Variants in ARHGEF12 observed in about 807,000 individuals in gnomAD.
The protein encoded by ARHGEF12 is KMT2A/ARHGEF12 fusion protein.
In ARHGEF12, 66 loss-of-function variants were observed where a neutral mutation model predicts 211.2. The ratio of observed to expected loss-of-function variants is 0.31; its 90% CI spans 0.26 to 0.38. ARHGEF12 has a LOEUF of 0.38. Ranked by LOEUF, ARHGEF12 falls within the 10% of genes least tolerant of loss-of-function variation. The pLI is 1.00. For synonymous variants in ARHGEF12, 592 were observed against 638.4 expected (o/e 0.93, Z 1.09); for missense variants, 1,429 against 1,869.5 (o/e 0.76, Z 4.34).
At chr11:120,407,609 AGG>A (rs1417087835) in intron 2 of ARHGEF12, 127 bp from the exon 3 acceptor site, 10 of 568,620 alleles carry the variant, frequency 1.8e-5, no homozygotes. Flanking sequence ...TAAATTAGAG[AGG>A]CTTATGGTGC....
intron 15 of ARHGEF12, 113 bp downstream of exon 15, chr11:120,442,315 G>T: frequency 1.4e-4 from 88 of 612,850 alleles, no homozygotes; most frequent in South Asian, 7.0e-4. Flanking sequence ...TCTCACACCT[G>T]TATTATATTT....
chr11:120,374,096 C>T (rs1348893973), intron 1 of ARHGEF12, among the ~76,000 whole-genome samples: 2 of 152,158 alleles, frequency 1.3e-5, no homozygotes, highest in Admixed American at 6.5e-5. Flanking sequence ...CGTGAGCCAC[C>T]GCACCCGGCC....
At chr11:120,411,483 T>C (rs1198020100) in intron 4 of ARHGEF12, 2 of 151,850 alleles carry the variant, frequency 1.3e-5, no homozygotes, top group Non-Finnish European at 2.9e-5. Flanking sequence ...CTTCAAACTT[T>C]AGAGATTATA....
chr11:120,438,081 C>T (rs951757127), intron 12 of ARHGEF12, among the ~76,000 whole-genome samples: 2 of 152,100 alleles, frequency 1.3e-5, no homozygotes, highest in African/African-American at 4.8e-5. Context: ...TTTGATCTTA[C>T]GTATTCTTAA....
In ARHGEF12 at chr11:120,465,355, T is replaced by C. The variant is rs1364777641; in HGVS notation, c.2732T>C (p.Phe911Ser). Reference sequence around the variant, plus strand: ...AAAAAGGATTCTCGATTTCAGACTTTTGTGCAAGTGAGTTGAGTGAGTCAT... The same window carrying C: ...AAAAAGGATTCTCGATTTCAGACTTCTGTGCAAGTGAGTTGAGTGAGTCAT... ...RQKKDSRFQT[F>S]VQDAESNPLC... The change falls in exon 28 of 41, where the codon TTT becomes TCT. Residue 911 changes from phenylalanine (F) to serine (S), a missense_variant. By Grantham distance (155) the Phe-to-Ser change is radical. This residue lies in a region of ARHGEF12 where 223 missense variants were observed against 444.6 expected (regional missense o/e 0.50). Transcript: ENST00000397843. The C allele has an allele frequency of 5.6e-6, 9 of 1,614,096 alleles. No individual in the cohort carries two copies. Among genetic ancestry groups the C allele is most frequent in the African/African-American group, 1.3e-5 (1 of 74,948 alleles).
At chr11:120,359,868 A>G (rs763962016) in intron 1 of ARHGEF12, among the ~76,000 whole-genome samples, 5 of 152,206 alleles carry the variant, frequency 3.3e-5, no homozygotes, top group Admixed American at 6.5e-5. Context: ...TTGAAAGTAG[A>G]ATGTAATTAA....
chr11:120,344,265 CAAAAAAAA>C (rs71473103), intron 1 of ARHGEF12, among the ~76,000 whole-genome samples: 20 of 53,020 alleles, frequency 3.8e-4, no homozygotes, highest in African/African-American at 1.3e-3. Context: ...GACTCCGTCT[CAAAAAAAA>C]AAAAAAAAAA....
intron 7 of ARHGEF12, among the ~76,000 whole-genome samples, chr11:120,425,823 TAAAA>T (rs1233819596): frequency 6.6e-6 from 1 of 151,192 alleles, no homozygotes; most frequent in Admixed American, 6.6e-5. Flanking sequence ...AAAAAGGAAT[TAAAA>T]AAAGAATTTA....
intron 1 of ARHGEF12, among the ~76,000 whole-genome samples, chr11:120,355,685 C>CTA (rs779262342): frequency 6.6e-6 from 1 of 152,128 alleles, no homozygotes; most frequent in Non-Finnish European, 1.5e-5. Flanking sequence ...TCAGCATGGG[C>CTA]TACAGAGTGA....
intron 1 of ARHGEF12, among the ~76,000 whole-genome samples, chr11:120,374,486 C>T (rs1260035862): frequency 6.6e-6 from 1 of 152,172 alleles, no homozygotes; most frequent in East Asian, 1.9e-4. Context: ...ATGAAAACAG[C>T]TTCATTGAGC....
At chr11:120,395,795 G>A (rs899608347) in intron 1 of ARHGEF12, among the ~76,000 whole-genome samples, 12 of 152,042 alleles carry the variant, frequency 7.9e-5, no homozygotes, top group Admixed American at 5.9e-4. Flanking sequence ...CCTCCCACCA[G>A]GTCCCTCCCA....
intron 1 of ARHGEF12, among the ~76,000 whole-genome samples, chr11:120,365,218 CTTTTG>C (rs1943391573): frequency 6.6e-6 from 1 of 152,082 alleles, no homozygotes; most frequent in Non-Finnish European, 1.5e-5. Context: ...ATGAGAGACA[CTTTTG>C]TTTTTAAGTG....
intron 1 of ARHGEF12, chr11:120,405,834 T>C (rs1237320765): frequency 7.1e-6 from 2 of 280,388 alleles, no homozygotes; most frequent in Non-Finnish European, 1.3e-5. Flanking sequence ...GGTAAGCCCT[T>C]TATAAATTTA....
At chr11:120,463,706 GT>G (rs1216039163) in intron 27 of ARHGEF12, 1 of 152,092 alleles carries the variant, frequency 6.6e-6, no homozygotes, top group African/African-American at 2.4e-5. Flanking sequence ...TCATCATAGA[GT>G]AAGAATACAA....
At chr11:120,428,426 AT>A (rs1945418671) in intron 8 of ARHGEF12, among the ~76,000 whole-genome samples, 179 bp downstream of exon 8, 1 of 152,256 alleles carries the variant, frequency 6.6e-6, no homozygotes, top group African/African-American at 2.4e-5. Context: ...AGCAGATTTA[AT>A]TTAACAAGTA....
intron 11 of ARHGEF12, among the ~76,000 whole-genome samples, chr11:120,433,999 A>G (rs1010039200): frequency 6.6e-6 from 1 of 152,170 alleles, no homozygotes. Flanking sequence ...TTAGTATAGA[A>G]ATAGGCATTC....
Position 120,481,458 on chromosome 11 carries a change from G to T in ARHGEF12, c.4436G>T (p.Arg1479Leu). The change falls in exon 39 of 41, where the codon CGC becomes CTC. Residue 1479 changes from arginine to leucine, a missense_variant. Arg to Leu is a moderately radical substitution (Grantham distance 102, BLOSUM62 -2). Transcript: ENST00000397843. ...ACCCCCGAATTTCTGGTCCAGCAGC[G>T]CTGGGGAGCTATGGAGTATTCCTGT... is the stretch of plus-strand genomic sequence containing the variant. ...PFTPEFLVQQ[R>L]WGAMEYSCFE... 2 of 1,614,176 alleles carry T rather than the reference G, an allele frequency of 1.2e-6. No homozygotes were observed. The highest frequency in any genetic ancestry group is 2.2e-5 in the South Asian group (2 of 91,080).
chr11:120,464,569 G>A (rs542156889), intron 27 of ARHGEF12: 1 of 150,410 alleles, frequency 6.6e-6, no homozygotes, highest in Non-Finnish European at 1.5e-5. Flanking sequence ...GCCACAGAAT[G>A]AGACTGTCTG....
At position 120,443,469 on chromosome 11, in the gene ARHGEF12, C is replaced by T. The variant is rs7943147; in HGVS notation, c.1302+1267C>T. 4.3e-3 allele frequency among the ~76,000 whole-genome samples: 655 copies of T among 152,184 alleles called. 1 individual carries two copies. The highest frequency in any genetic ancestry group is 7.4e-3 in the Non-Finnish European group (502 of 68,006). On this transcript the variant is annotated intron_variant, in intron 15 of 40. Coordinates refer to ENST00000397843, the MANE Select transcript of ARHGEF12 (RefSeq NM_015313.3). Reference sequence around the variant, plus strand: ...TCTACAGATAATCATTCACATTAGTCTGCAAATGTTGTTATTTTCCCTTTC... The same window carrying T: ...TCTACAGATAATCATTCACATTAGTTTGCAAATGTTGTTATTTTCCCTTTC...
Sources: allele counts gnomAD v4.1 joint callset (sites outside exome capture counted in the v4.1 genomes callset), GRCh38; gene constraint gnomAD v4.1.1; regional missense constraint gnomAD v4.1.1; transcripts MANE v1.5; gene names NCBI Gene and HGNC (gene_info 2026-07-23, HGNC 2026-07-21).